The following WSCD2 variants were observed in gnomAD, a reference collection of about 807,000 sequenced individuals.
WSCD2 encodes the protein WSC domain sialate O sulfotransferase 2.
In WSCD2, 28 loss-of-function variants were observed where a neutral mutation model predicts 55.7. That is an observed-to-expected ratio of 0.50 (90% CI 0.37 to 0.69). WSCD2 has a LOEUF of 0.69. WSCD2 is among the 30% of genes least tolerant of loss of function. The pLI is 0.00. For missense variants in WSCD2, 616 were observed against 762.1 expected, an observed-to-expected ratio of 0.81 and a Z score of 2.26; for synonymous variants, 301 against 301.9, an observed-to-expected ratio of 1.00 and a Z score of 0.03.
rs76572265 is a variant in WSCD2, at chr12:108,169,500, G to A, written c.-551-25782G>A. On this transcript the variant is annotated intron_variant, in intron 1 of 8. Coordinates refer to ENST00000547525, the MANE Select transcript of WSCD2 (RefSeq NM_014653.4). ...CAGAAACGTCAAGTTTGAAAGGTCA[G>A]TGTGAGCTGGTAGGAGGCTTCGTCT... Among the ~76,000 whole-genome samples the A allele has an allele frequency of 1.4e-3, 216 of 152,300 alleles. 2 individuals are homozygous for A. In the East Asian group the frequency reaches 0.039, roughly 27 times the overall value.
chr12:108,181,214 C>G (rs1881701812), intron 1 of WSCD2, among the ~76,000 whole-genome samples: 1 of 152,204 alleles, frequency 6.6e-6, no homozygotes, highest in Admixed American at 6.5e-5. Flanking sequence ...CTTGCTCTTC[C>G]TCCCTGGGAT....
rs76904233 is a variant in WSCD2, at chr12:108,156,190, C to T, written c.-552+26264C>T. 7.9e-3 allele frequency among the ~76,000 whole-genome samples: 1,204 copies of T among 152,250 alleles called. 17 individuals are homozygous for T. Among genetic ancestry groups the T allele is most frequent in the African/African-American group, 0.028 (1,152 of 41,530 alleles). On this transcript the variant is annotated intron_variant, in intron 1 of 8. Transcript: ENST00000547525. ...TGAAGGCAGTAGATTTGGTTCTTCACGAAGAGAAAGGGGAGGAACACGTGC... is the reference window on the plus strand; with the variant it reads ...TGAAGGCAGTAGATTTGGTTCTTCATGAAGAGAAAGGGGAGGAACACGTGC...
chr12:108,163,098 C>A (rs1222866510), intron 1 of WSCD2, among the ~76,000 whole-genome samples: 1 of 152,184 alleles, frequency 6.6e-6, no homozygotes, highest in Non-Finnish European at 1.5e-5. Flanking sequence ...AGTGATACCA[C>A]TAATAAGTAG....
At chr12:108,180,961 T>C (rs1881650514) in intron 1 of WSCD2, among the ~76,000 whole-genome samples, 1 of 152,200 alleles carries the variant, frequency 6.6e-6, no homozygotes, top group African/African-American at 2.4e-5. Flanking sequence ...GAAACCCAGC[T>C]CAGAGAGGCT....
At chr12:108,148,692 C>A (rs1877655756) in intron 1 of WSCD2, among the ~76,000 whole-genome samples, 1 of 152,038 alleles carries the variant, frequency 6.6e-6, no homozygotes, top group African/African-American at 2.4e-5. Flanking sequence ...GAACCTAGGT[C>A]TTTGGAAGTC....
intron 4 of WSCD2, among the ~76,000 whole-genome samples, chr12:108,211,920 C>G (rs1701022922): frequency 6.6e-6 from 1 of 151,592 alleles, no homozygotes; most frequent in African/African-American, 2.4e-5. Context: ...ACCTCAGGCT[C>G]CCAAAGTGCT....
At chr12:108,219,405 C>G (rs1371814798) in intron 4 of WSCD2, among the ~76,000 whole-genome samples, 1 of 152,184 alleles carries the variant, frequency 6.6e-6, no homozygotes, top group Non-Finnish European at 1.5e-5. Context: ...TGAGCACAGT[C>G]ACACATACAC....
In WSCD2 at chr12:108,211,840, T is replaced by C. The variant is rs1227074436; in HGVS notation, c.682+1535T>C. Among the ~76,000 whole-genome samples the C allele has an allele frequency of 6.1e-5, 9 of 146,752 alleles. No homozygotes were observed. The East Asian group carries it at 1.8e-3, about 29-fold the overall frequency. On this transcript the variant is annotated intron_variant, in intron 4 of 8. Transcript: ENST00000547525. Reference sequence around the variant, plus strand: ...GGCTAATTTTTTTTTTTTTTTTGTATTTTTAGTAGAGACAGGGTTTCACTG... The same window carrying C: ...GGCTAATTTTTTTTTTTTTTTTGTACTTTTAGTAGAGACAGGGTTTCACTG...
intron 8 of WSCD2, among the ~76,000 whole-genome samples, chr12:108,246,841 G>T (rs1003538898): frequency 6.6e-6 from 1 of 152,148 alleles, no homozygotes; most frequent in Non-Finnish European, 1.5e-5. Context: ...AGCATAATGA[G>T]TGCTGTGGGG....
At chr12:108,192,689 C>T (rs989893049) in intron 1 of WSCD2, among the ~76,000 whole-genome samples, 2 of 152,184 alleles carry the variant, frequency 1.3e-5, no homozygotes, top group Non-Finnish European at 2.9e-5. Flanking sequence ...CAGTGATGCA[C>T]CCTCATGTGG....
rs1555235822 is a variant in WSCD2 at position 108,212,616 on chromosome 12, C to CACACAG, written c.682+2316_682+2317insGACACA. ...TCTCTCTCTCTCTCTCTCTCTCTCACACACACACACACACACACATTCAGA... is the reference window on the plus strand; with the variant it reads ...TCTCTCTCTCTCTCTCTCTCTCTCACACACAGACACACACACACACACACATTCAGA... On this transcript the variant is annotated intron_variant, in intron 4 of 8. Coordinates refer to ENST00000547525, the MANE Select transcript of WSCD2 (RefSeq NM_014653.4). Among the ~76,000 whole-genome samples, 243 of 51,948 alleles carry CACACAG rather than the reference C, an allele frequency of 4.7e-3. 1 individual carries two copies. Among genetic ancestry groups the CACACAG allele is most frequent in the African/African-American group, 0.011 (236 of 20,902 alleles). The allele number at this position is 51,948 out of a possible 152,430, so 34.1% of individuals were successfully genotyped here.
chr12:108,244,600 A>G (rs1379689014), intron 8 of WSCD2: 1 of 702,338 alleles, frequency 1.4e-6, no homozygotes, highest in African/African-American at 1.7e-5. Context: ...TATCCAGATC[A>G]CCACTTTGCA....
chr12:108,177,291 T>G (rs932456269), intron 1 of WSCD2, among the ~76,000 whole-genome samples: 1 of 152,180 alleles, frequency 6.6e-6, no homozygotes, highest in Non-Finnish European at 1.5e-5. Context: ...GCGAGTTAGA[T>G]GAAGTAATGT....
In WSCD2 at chr12:108,235,964, TGCA is replaced by T. The variant is rs777361812; in HGVS notation, c.1144+3072_1144+3074del. On this transcript the variant is annotated intron_variant, in intron 7 of 8. Coordinates refer to ENST00000547525, the MANE Select transcript of WSCD2 (RefSeq NM_014653.4). ...TGCCCAGTCTCTCCCCACATCACCTTGCAGCTGAAAGATGCTTAACTTCATGAA... is the reference window on the plus strand; with the variant it reads ...TGCCCAGTCTCTCCCCACATCACCTTGCTGAAAGATGCTTAACTTCATGAA... Among the ~76,000 whole-genome samples, 49 of 152,308 alleles carry T rather than the reference TGCA, an allele frequency of 3.2e-4. 1 individual carries two copies. The highest frequency in any genetic ancestry group is 1.6e-3 in the Admixed American group (24 of 15,308).
chr12:108,179,841 C>G (rs761966221), intron 1 of WSCD2, among the ~76,000 whole-genome samples: 6 of 152,142 alleles, frequency 3.9e-5, no homozygotes, highest in Non-Finnish European at 8.8e-5. Flanking sequence ...CACTCGCCTT[C>G]TAGAGTCATG....
intron 8 of WSCD2, among the ~76,000 whole-genome samples, chr12:108,247,333 T>C (rs1282820403): frequency 6.6e-6 from 1 of 150,444 alleles, no homozygotes; most frequent in Non-Finnish European, 1.5e-5. Flanking sequence ...CAATATATAT[T>C]AACATAAATA....
At chr12:108,195,150 A>G (rs10746119) in intron 1 of WSCD2, 132 bp from the exon 2 acceptor site, 122,361 of 152,222 alleles carry the variant, frequency 0.8, 49,435 homozygotes, top group East Asian at 0.91. Context: ...CTGCTCTTAA[A>G]CTGTTTCATG....
intron 4 of WSCD2, among the ~76,000 whole-genome samples, chr12:108,219,485 C>T (rs1887229433): frequency 1.3e-5 from 2 of 152,234 alleles, no homozygotes; most frequent in South Asian, 4.1e-4. Flanking sequence ...GCAACAGATA[C>T]ACATTCAGTG....
intron 4 of WSCD2, among the ~76,000 whole-genome samples, chr12:108,217,744 C>G (rs946434429): frequency 3.9e-5 from 6 of 152,180 alleles, no homozygotes; most frequent in Non-Finnish European, 8.8e-5. Context: ...CCTCACTGCA[C>G]CCCCAGAACA....
Sources: gnomAD v4.1 joint callset for allele counts (sites outside exome capture counted in the v4.1 genomes callset) on GRCh38, gnomAD v4.1.1 for gene constraint, MANE v1.5 for transcripts, NCBI Gene and HGNC (gene_info 2026-07-23, HGNC 2026-07-21) for gene names.